Variants in MKLN1 observed in about 807,000 individuals in gnomAD.
The protein encoded by MKLN1 is muskelin.
Under a neutral mutation model 99.0 loss-of-function variants are expected in MKLN1, and 18 were observed. The ratio of observed to expected loss-of-function variants is 0.18; its 90% CI spans 0.13 to 0.27. The LOEUF is 0.27. Ranked by LOEUF, MKLN1 falls within the 10% of genes least tolerant of loss-of-function variation. The pLI is 1.00. For missense variants in MKLN1, 621 were observed against 875.9 expected, an observed-to-expected ratio of 0.71 and a Z score of 3.67; for synonymous variants, 288 against 293.2, an observed-to-expected ratio of 0.98 and a Z score of 0.18.
At chr7:131,340,105 A>G (rs1318845639) in intron 1 of MKLN1, among the ~76,000 whole-genome samples, 2 of 152,034 alleles carry the variant, frequency 1.3e-5, no homozygotes, top group Admixed American at 6.6e-5. Context: ...CAGAAAAGTC[A>G]TAAAATCTAA....
chr7:131,336,365 C>T (rs947995057), intron 1 of MKLN1, among the ~76,000 whole-genome samples: 1 of 151,010 alleles, frequency 6.6e-6, no homozygotes. Context: ...TAAGAATAAA[C>T]AGATTTTTGT....
chr7:131,115,333 C>T (rs796354839), intron 1 of MKLN1, among the ~76,000 whole-genome samples: 10 of 152,318 alleles, frequency 6.6e-5, no homozygotes, highest in African/African-American at 2.4e-4. Flanking sequence ...TCCGTTTTCA[C>T]AATCCTCAGA....
At chr7:131,186,992 T>G (rs549266981) in intron 2 of MKLN1, among the ~76,000 whole-genome samples, 8 of 152,296 alleles carry the variant, frequency 5.3e-5, no homozygotes, top group Non-Finnish European at 2.9e-5. Context: ...GAACATTGTG[T>G]GCAGAGTTAG....
intron 1 of MKLN1, among the ~76,000 whole-genome samples, chr7:131,372,888 C>G (rs1407268585): frequency 1.3e-5 from 2 of 150,928 alleles, no homozygotes; most frequent in Admixed American, 1.3e-4. Context: ...CTTTTTCTTT[C>G]TTTTCTTTCT....
intron 10 of MKLN1, among the ~76,000 whole-genome samples, chr7:131,442,947 T>C (rs1174593050): frequency 6.6e-6 from 1 of 152,232 alleles, no homozygotes; most frequent in Non-Finnish European, 1.5e-5. Flanking sequence ...TAGAAGTCAG[T>C]CTGGAGACTT....
intron 1 of MKLN1, among the ~76,000 whole-genome samples, chr7:131,114,944 A>T (rs1795252621): frequency 6.6e-6 from 1 of 152,096 alleles, no homozygotes; most frequent in African/African-American, 2.4e-5. Context: ...TCAAGAAAAA[A>T]AAAAAAAGCA....
At chr7:131,117,979 A>G (rs768800654) in intron 1 of MKLN1, among the ~76,000 whole-genome samples, 26 of 152,178 alleles carry the variant, frequency 1.7e-4, no homozygotes, top group Non-Finnish European at 3.1e-4. Flanking sequence ...TACAGTTTGG[A>G]TATTTGTCCC....
intron 6 of MKLN1, among the ~76,000 whole-genome samples, chr7:131,405,694 C>T (rs773511143): frequency 2.0e-5 from 3 of 151,898 alleles, no homozygotes; most frequent in Non-Finnish European, 4.4e-5. Flanking sequence ...TTTGGAAGAA[C>T]TGTGGTTTTT....
intron 3 of MKLN1, among the ~76,000 whole-genome samples, chr7:131,235,940 A>G (rs1369568637): frequency 6.6e-6 from 1 of 152,196 alleles, no homozygotes; most frequent in African/African-American, 2.4e-5. Flanking sequence ...ATCCACAGGA[A>G]ATGCAGGCCC....
At chr7:131,327,750 A>T, upstream of MKLN1, 1 of 1,376,378 alleles carries the variant, frequency 7.3e-7, no homozygotes, top group Non-Finnish European at 9.5e-7. Flanking sequence ...GAGATAGGAC[A>T]TTGGCCCGGC....
chr7:131,460,188 A>G (rs1199821129), intron 12 of MKLN1, among the ~76,000 whole-genome samples: 5 of 151,858 alleles, frequency 3.3e-5, no homozygotes, highest in African/African-American at 1.2e-4. Flanking sequence ...CCCCCAAGTT[A>G]TGTTCTTTTC....
chr7:131,272,952 C>T (rs1019227167), intron 3 of MKLN1, among the ~76,000 whole-genome samples: 4 of 152,178 alleles, frequency 2.6e-5, no homozygotes, highest in African/African-American at 9.7e-5. Context: ...CTCTGCAAAA[C>T]ATAGCAGCCA....
chr7:131,449,924 T>C (rs1288008503), intron 12 of MKLN1, among the ~76,000 whole-genome samples: 1 of 152,230 alleles, frequency 6.6e-6, no homozygotes, highest in Admixed American at 6.5e-5. Context: ...TGTCCATGGC[T>C]ACCCTAGGAG....
chr7:131,456,634 C>T (rs919964208), intron 12 of MKLN1, among the ~76,000 whole-genome samples: 3 of 152,168 alleles, frequency 2.0e-5, no homozygotes, highest in African/African-American at 7.2e-5. Context: ...ATTTCTTCTT[C>T]TCTTCTCCCT....
At chr7:131,204,827 A>G (rs1002645114) in intron 3 of MKLN1, among the ~76,000 whole-genome samples, 5 of 151,964 alleles carry the variant, frequency 3.3e-5, no homozygotes, top group African/African-American at 1.2e-4. Context: ...CCAGCTACTC[A>G]GGAGGCTGAG....
At chr7:131,243,102 C>T (rs1797431170) in intron 3 of MKLN1, 2 of 382,404 alleles carry the variant, frequency 5.2e-6, no homozygotes, top group Non-Finnish European at 1.0e-5. Context: ...TAGTGAAGTA[C>T]ATTTGAGACA....
At chr7:131,481,171 G>A (rs1797112463) in intron 17 of MKLN1, among the ~76,000 whole-genome samples, 1 of 152,190 alleles carries the variant, frequency 6.6e-6, no homozygotes, top group Non-Finnish European at 1.5e-5. Flanking sequence ...ATAGCCTAGT[G>A]ATTAGGAGGT....
rs186233849 is a variant in MKLN1 at position 131,188,838 on chromosome 7, G to A, written c.-296-14019G>A. ...ACAAAATTTTAAAAGTCATCTCTGT[G>A]GTCTAAAGCGGAAAGAACGAGTCAT... On this transcript the variant is annotated intron_variant, in intron 2 of 7. Coordinates refer to the MKLN1 transcript ENST00000416992. Among the ~76,000 whole-genome samples the A allele has an allele frequency of 4.3e-3, 658 of 152,218 alleles. 1 individual carries two copies. Among genetic ancestry groups the A allele is most frequent in the Middle Eastern group, 0.01 (3 of 294 alleles).
chr7:131,327,862 T>A, upstream of MKLN1: 1 of 1,604,468 alleles, frequency 6.2e-7, no homozygotes, highest in Non-Finnish European at 8.5e-7. Flanking sequence ...TCCCGTTCGC[T>A]GCCAGCGGTC....
Sources: gnomAD v4.1 joint callset for allele counts (sites outside exome capture counted in the v4.1 genomes callset) on GRCh38, gnomAD v4.1.1 for gene constraint, MANE v1.5 for transcripts, NCBI Gene and HGNC (gene_info 2026-07-23, HGNC 2026-07-21) for gene names.